NHS: variants seen among roughly 807,000 people sequenced by gnomAD.
NHS encodes the protein actin remodeling regulator NHS.
In NHS, 5 loss-of-function variants were observed where a neutral mutation model predicts 72.5. The observed-to-expected ratio is 0.07, with a 90% CI of 0.04 to 0.14. The LOEUF (loss-of-function observed/expected upper bound fraction) is 0.14. Among genes scored for constraint, NHS ranks in the 10% least tolerant of loss-of-function variants. The pLI, the probability that NHS is intolerant of heterozygous loss-of-function variation, is 1.00. For missense variants in NHS, 1,072 were observed against 1,355.7 expected (o/e 0.79, Z 3.29); for synonymous variants, 464 against 547.7 (o/e 0.85, Z 2.13).
chrX:17,668,809 C>T (rs1601826655), intron 1 of NHS, among the ~76,000 whole-genome samples: 1 of 111,055 alleles, frequency 9.0e-6, no homozygotes, highest in African/African-American at 3.3e-5. Flanking sequence ...AAGCAGCCAC[C>T]GTGTGGGTAG....
At chrX:17,377,819 A>G (rs1035331044) in intron 1 of NHS, among the ~76,000 whole-genome samples, 2 of 113,162 alleles carry the variant, frequency 1.8e-5, no homozygotes, top group African/African-American at 3.2e-5. Flanking sequence ...TAAAAGGGCA[A>G]TTCCGGGGAT....
intron 1 of NHS, among the ~76,000 whole-genome samples, chrX:17,640,492 A>G (rs946069039): frequency 3.6e-5 from 4 of 112,246 alleles, no homozygotes; most frequent in Non-Finnish European, 7.5e-5. Context: ...TCCAGAGGCC[A>G]AATGTCAAGC....
chrX:17,468,553 T>C (rs913933208), intron 1 of NHS, among the ~76,000 whole-genome samples: 2 of 110,387 alleles, frequency 1.8e-5, no homozygotes, highest in African/African-American at 3.3e-5. Flanking sequence ...TGTTTATTTA[T>C]TTACTTACTT....
chrX:17,440,821 C>T (rs760607871), intron 1 of NHS, among the ~76,000 whole-genome samples: 137 of 111,776 alleles, frequency 1.2e-3, no homozygotes, highest in Middle Eastern at 9.2e-3. Flanking sequence ...CTAACCTTTG[C>T]TCTCTAGCTG....
intron 1 of NHS, among the ~76,000 whole-genome samples, chrX:17,552,008 G>A (rs532936935): frequency 2.2e-3 from 227 of 105,492 alleles, no homozygotes; most frequent in African/African-American, 7.3e-3. Flanking sequence ...TCCCAAAGAG[G>A]CATTATCATT....
rs772693940 is a variant in NHS at position 17,481,800 on chromosome X, G to T, written c.565+105478G>T. On this transcript the variant is annotated intron_variant, in intron 1 of 8. Coordinates refer to ENST00000676302, the MANE Select transcript of NHS (RefSeq NM_001291867.2). ...TGTCCCCATTCAGTCCATACACCCTGCCCAGAGGCAACTATTCTGACTCGT... is the reference window on the plus strand; with the variant it reads ...TGTCCCCATTCAGTCCATACACCCTTCCCAGAGGCAACTATTCTGACTCGT... Among the ~76,000 whole-genome samples the T allele has an allele frequency of 5.4e-5, 6 of 111,777 alleles. No homozygotes were observed. In the Admixed American group the frequency reaches 5.7e-4, roughly 11 times the overall value.
intron 1 of NHS, among the ~76,000 whole-genome samples, chrX:17,579,339 A>G (rs1002929110): frequency 7.2e-5 from 8 of 111,788 alleles, no homozygotes; most frequent in African/African-American, 2.0e-4. Flanking sequence ...TAGTGTGTTA[A>G]CAATGAATGA....
intron 1 of NHS, among the ~76,000 whole-genome samples, chrX:17,380,610 G>A (rs964071888): frequency 8.9e-6 from 1 of 111,826 alleles, no homozygotes; most frequent in Non-Finnish European, 1.9e-5. Flanking sequence ...GCCTCCCAAA[G>A]TGCTGGGATT....
At chrX:17,684,946 T>A (rs1460624295) in intron 1 of NHS, among the ~76,000 whole-genome samples, 1 of 112,073 alleles carries the variant, frequency 8.9e-6, no homozygotes, top group African/African-American at 3.2e-5. Context: ...GCCTGCTATC[T>A]TGCATAACTT....
intron 1 of NHS, among the ~76,000 whole-genome samples, chrX:17,635,782 C>A (rs1462475998): frequency 8.9e-6 from 1 of 112,161 alleles, no homozygotes; most frequent in Non-Finnish European, 1.9e-5. Context: ...TTGACCCTCA[C>A]TCAAGGCTGA....
Position 17,732,604 on chromosome X carries a change from G to C in NHS, c.*140G>C. On this transcript the variant is annotated 3_prime_UTR_variant, in exon 9 of 9. Coordinates refer to ENST00000676302, the MANE Select transcript of NHS (RefSeq NM_001291867.2). ...AGCAATGAATGAATTTCTAAATACA[G>C]TATGTGCTGGGTAAACAGAAAGTGG... 2.2e-6 allele frequency: 2 copies of C among 908,812 alleles called. No homozygotes were observed. The highest frequency in any genetic ancestry group is 3.1e-6 in the Non-Finnish European group (2 of 635,486). 74.9% of individuals were successfully genotyped at this position (908,812 alleles called of 1,213,427 possible).
In NHS at chrX:17,502,561, G is replaced by A. The variant is rs2065040656; in HGVS notation, c.565+126239G>A. ...TCCCAGCACTTTGGGAGGCCGAGGCGGGCGGATCACGAGGTCAGGAGATCG... is the reference window on the plus strand; with the variant it reads ...TCCCAGCACTTTGGGAGGCCGAGGCAGGCGGATCACGAGGTCAGGAGATCG... On this transcript the variant is annotated intron_variant, in intron 1 of 8. Coordinates refer to ENST00000676302, the MANE Select transcript of NHS (RefSeq NM_001291867.2). 4.0e-5 allele frequency among the ~76,000 whole-genome samples: 2 copies of A among 49,834 alleles called. 1 individual carries two copies. The highest frequency in any genetic ancestry group is 1.2e-4 in the African/African-American group (2 of 16,638). The allele number at this position is 49,834 out of a possible 115,157, so 43.3% of individuals were successfully genotyped here.
intron 1 of NHS, among the ~76,000 whole-genome samples, chrX:17,559,876 C>A (rs1250382640): frequency 9.0e-6 from 1 of 111,625 alleles, no homozygotes; most frequent in African/African-American, 3.3e-5. Context: ...CAGTTACTCG[C>A]TAACTCTCTC....
At chrX:17,516,373 A>C (rs995285372) in intron 1 of NHS, among the ~76,000 whole-genome samples, 3 of 111,098 alleles carry the variant, frequency 2.7e-5, no homozygotes, top group African/African-American at 9.8e-5. Flanking sequence ...ATTGTTTTCC[A>C]ATCCTGCTTA....
At chrX:17,421,825 C>T (rs2064625331) in intron 1 of NHS, among the ~76,000 whole-genome samples, 1 of 112,103 alleles carries the variant, frequency 8.9e-6, no homozygotes, top group Non-Finnish European at 1.9e-5. Context: ...GATCCGCCCA[C>T]CTCAGCTTCC....
At chrX:17,615,195 C>CGTAT (rs1569294152) in intron 1 of NHS, among the ~76,000 whole-genome samples, 1 of 81,233 alleles carries the variant, frequency 1.2e-5, no homozygotes, top group African/African-American at 6.5e-5. Context: ...TATATATACA[C>CGTAT]ATATATACGT....
At chrX:17,376,462 TC>T in intron 1 of NHS, 140 bp downstream of exon 1, 1 of 564,673 alleles carries the variant, frequency 1.8e-6, no homozygotes, top group Non-Finnish European at 2.9e-6. Context: ...TTCCCACCCT[TC>T]CCATCCCCTG....
intron 1 of NHS, among the ~76,000 whole-genome samples, chrX:17,431,303 C>T (rs981685845): frequency 3.6e-5 from 4 of 111,484 alleles, no homozygotes; most frequent in East Asian, 2.8e-4. Flanking sequence ...GGGATTCCTA[C>T]GAAATATGAC....
At chrX:17,409,351 C>T (rs1206288502) in intron 1 of NHS, among the ~76,000 whole-genome samples, 1 of 107,725 alleles carries the variant, frequency 9.3e-6, no homozygotes, top group African/African-American at 3.3e-5. Flanking sequence ...GTTTACTGTG[C>T]CCTTGTCTTT....
Sources: allele counts gnomAD v4.1 joint callset (sites outside exome capture counted in the v4.1 genomes callset), GRCh38; gene constraint gnomAD v4.1.1; transcripts MANE v1.5; gene names NCBI Gene and HGNC (gene_info 2026-07-23, HGNC 2026-07-21).